GRID2: variants seen among roughly 807,000 people sequenced by gnomAD.
The protein encoded by GRID2 is glutamate ionotropic receptor delta type subunit 2.
Under a neutral mutation model 114.8 loss-of-function variants are expected in GRID2, and 33 were observed. That is an observed-to-expected ratio of 0.29 (90% confidence interval 0.22 to 0.38). GRID2 has a LOEUF of 0.38. Among genes scored for constraint, GRID2 ranks in the 10% least tolerant of loss-of-function variants. The pLI is 1.00. For missense variants in GRID2, 1,184 were observed against 1,257.7 expected (o/e 0.94, Z 0.89); for synonymous variants, 505 against 449.9 (o/e 1.12, Z -1.55).
chr4:92,817,228 A>G (rs373194419), intron 2 of GRID2, among the ~76,000 whole-genome samples: 1 of 151,904 alleles, frequency 6.6e-6, no homozygotes, highest in African/African-American at 2.4e-5. Flanking sequence ...AATTCTATAT[A>G]TTTTTTTCTT....
At chr4:93,626,068 T>TAAG (rs1339089731) in intron 13 of GRID2, among the ~76,000 whole-genome samples, 1 of 152,216 alleles carries the variant, frequency 6.6e-6, no homozygotes, top group African/African-American at 2.4e-5. Flanking sequence ...ACATTTTATA[T>TAAG]AAGGACTTGA....
intron 2 of GRID2, among the ~76,000 whole-genome samples, chr4:92,784,207 T>A (rs1448057680): frequency 6.6e-6 from 1 of 152,038 alleles, no homozygotes; most frequent in African/African-American, 2.4e-5. Context: ...TTCTATATCA[T>A]GTAAATATAT....
rs542533284 is a variant in GRID2, at chr4:92,942,767, G to T, written c.245-142228G>T. Among the ~76,000 whole-genome samples, 170 of 152,244 alleles carry T rather than the reference G, an allele frequency of 1.1e-3. 1 individual carries two copies. The highest frequency in any genetic ancestry group is 3.9e-3 in the African/African-American group (163 of 41,530). ...GGAGCTCTTTTAGGGCAGGCCTGGT[G>T]TTGACAAAATCTCTCAGCATTTGCT... On this transcript the variant is annotated intron_variant, in intron 2 of 15. Coordinates refer to ENST00000282020, the MANE Select transcript of GRID2 (RefSeq NM_001510.4).
intron 2 of GRID2, among the ~76,000 whole-genome samples, chr4:92,684,048 A>C (rs1733781735): frequency 6.6e-6 from 1 of 152,138 alleles, no homozygotes; most frequent in Middle Eastern, 3.4e-3. Context: ...GGATAAAATA[A>C]ATTCTTTTAA....
chr4:92,565,803 A>G (rs1375799979), intron 1 of GRID2, among the ~76,000 whole-genome samples: 1 of 152,052 alleles, frequency 6.6e-6, no homozygotes, highest in Admixed American at 6.6e-5. Flanking sequence ...ATTACTGTTC[A>G]TAGTTTAAAG....
At chr4:93,485,522 A>G (rs868278202) in intron 11 of GRID2, among the ~76,000 whole-genome samples, 1 of 151,724 alleles carries the variant, frequency 6.6e-6, no homozygotes, top group African/African-American at 2.4e-5. Context: ...TTATATTTAT[A>G]TCTATAGGCT....
chr4:92,710,276 G>GT (rs56210330), intron 2 of GRID2, among the ~76,000 whole-genome samples: 2 of 151,980 alleles, frequency 1.3e-5, no homozygotes, highest in Admixed American at 6.6e-5. Flanking sequence ...TGCTAAAAGA[G>GT]AAGAAAATAG....
chr4:92,456,140 AC>A (rs1430693011), intron 1 of GRID2, among the ~76,000 whole-genome samples: 1 of 149,184 alleles, frequency 6.7e-6, no homozygotes, highest in Non-Finnish European at 1.5e-5. Context: ...AATAAAATGA[AC>A]TTTTTTGGCA....
At chr4:93,585,606 T>C (rs1057489844) in intron 13 of GRID2, among the ~76,000 whole-genome samples, 1 of 152,116 alleles carries the variant, frequency 6.6e-6, no homozygotes, top group Non-Finnish European at 1.5e-5. Flanking sequence ...AAAGCATTAA[T>C]CATTTCATTA....
chr4:93,028,601 C>T (rs1182837835), intron 2 of GRID2, among the ~76,000 whole-genome samples: 2 of 151,860 alleles, frequency 1.3e-5, no homozygotes, highest in Non-Finnish European at 2.9e-5. Flanking sequence ...TTTATATATA[C>T]GTACGACATT....
intron 2 of GRID2, among the ~76,000 whole-genome samples, chr4:93,082,495 A>G (rs964285007): frequency 6.6e-6 from 1 of 152,112 alleles, no homozygotes; most frequent in African/African-American, 2.4e-5. Context: ...CCCACTCTCT[A>G]TGAGAAACCT....
chr4:93,650,538 G>A (rs1017887451), intron 14 of GRID2, among the ~76,000 whole-genome samples: 1 of 152,084 alleles, frequency 6.6e-6, no homozygotes, highest in African/African-American at 2.4e-5. Context: ...AATAAGAAAT[G>A]TGCAACCAAC....
chr4:93,364,337 T>G (rs1419958902), intron 8 of GRID2, among the ~76,000 whole-genome samples: 3 of 152,142 alleles, frequency 2.0e-5, no homozygotes, highest in African/African-American at 7.2e-5. Flanking sequence ...AAAATCAATT[T>G]TGCCTGTGAC....
At chr4:92,313,134 A>G (rs1725795577) in intron 1 of GRID2, among the ~76,000 whole-genome samples, 1 of 150,676 alleles carries the variant, frequency 6.6e-6, no homozygotes, top group Non-Finnish European at 1.5e-5. Flanking sequence ...TATGAGATGG[A>G]ATACTACTCA....
chr4:92,759,799 T>C (rs74595635), intron 2 of GRID2, among the ~76,000 whole-genome samples: 6 of 151,228 alleles, frequency 4.0e-5, no homozygotes, highest in Non-Finnish European at 8.8e-5. Context: ...TTTTTTTTTT[T>C]TGTATTTAGT....
At chr4:93,503,061 C>A (rs555332467) in intron 12 of GRID2, among the ~76,000 whole-genome samples, 2 of 152,212 alleles carry the variant, frequency 1.3e-5, no homozygotes, top group Admixed American at 6.6e-5. Context: ...TTAATATCAA[C>A]TTCTGCTGAA....
At chr4:92,622,242 T>A (rs1000885543) in intron 2 of GRID2, among the ~76,000 whole-genome samples, 1 of 151,760 alleles carries the variant, frequency 6.6e-6, no homozygotes, top group Admixed American at 6.6e-5. Flanking sequence ...TATTTTCCTG[T>A]AATATTAGGA....
chr4:93,744,916 G>C (rs867499722), intron 14 of GRID2, among the ~76,000 whole-genome samples: 14 of 152,262 alleles, frequency 9.2e-5, no homozygotes, highest in South Asian at 4.1e-4. Context: ...CAATGCTTGG[G>C]CAAGACTCTC....
At chr4:93,328,399 T>TC (rs1758075288) in intron 8 of GRID2, among the ~76,000 whole-genome samples, 1 of 152,136 alleles carries the variant, frequency 6.6e-6, no homozygotes, top group Non-Finnish European at 1.5e-5. Flanking sequence ...GGATACTCTT[T>TC]CCCCAGTTCT....
Sources: allele counts gnomAD v4.1 joint callset (sites outside exome capture counted in the v4.1 genomes callset), GRCh38; gene constraint gnomAD v4.1.1; transcripts MANE v1.5; gene names NCBI Gene and HGNC (gene_info 2026-07-23, HGNC 2026-07-21).